Variants in SLC26A7 observed in about 807,000 individuals in gnomAD.
SLC26A7 encodes anion exchange transporter.
A neutral mutation model predicts 82.5 loss-of-function variants in SLC26A7; 59 were observed. The ratio of observed to expected loss-of-function variants is 0.72; its 90% CI spans 0.58 to 0.89. The LOEUF is 0.89. SLC26A7 is among the 40% of genes least tolerant of loss of function. The pLI is 0.00. For synonymous variants in SLC26A7, 271 were observed against 274.3 expected (o/e 0.99, Z 0.12); for missense variants, 820 against 793.0 (o/e 1.03, Z -0.41).
At chr8:91,227,361 C>A (rs1810251961) in intron 2 of SLC26A7, among the ~76,000 whole-genome samples, 1 of 152,164 alleles carries the variant, frequency 6.6e-6, no homozygotes, top group Admixed American at 6.5e-5. Context: ...ACTCAAGTTT[C>A]TTTCACTGTT....
Position 91,340,563 on chromosome 8 carries a change from C to A in SLC26A7, c.1026+12C>A, listed in dbSNP as rs1356242265. 2 of 1,613,478 alleles carry A rather than the reference C, an allele frequency of 1.2e-6. No homozygotes were observed. The highest frequency in any genetic ancestry group is 1.3e-5 in the African/African-American group (1 of 74,832). On this transcript the variant is annotated intron_variant, in intron 8 of 18. Transcript: ENST00000276609. ...TTGATGACAACCAGGTGGAGTGTGCCCCCAGTCCCTCTCCACTCCAGTTGT... is the reference window on the plus strand; with the variant it reads ...TTGATGACAACCAGGTGGAGTGTGCACCCAGTCCCTCTCCACTCCAGTTGT...
At chr8:91,334,960 T>C (rs550161024) in intron 6 of SLC26A7, among the ~76,000 whole-genome samples, 1 of 152,262 alleles carries the variant, frequency 6.6e-6, no homozygotes, top group East Asian at 1.9e-4. Context: ...TCTAAAATAT[T>C]TTTTTGTTGT....
At chr8:91,228,931 G>T (rs888407772) in intron 2 of SLC26A7, among the ~76,000 whole-genome samples, 2 of 152,296 alleles carry the variant, frequency 1.3e-5, no homozygotes, top group East Asian at 1.9e-4. Context: ...CTCACCAAAA[G>T]ATTTTCATTT....
chr8:91,267,040 T>C lies in SLC26A7; in HGVS notation c.193+17196T>C, dbSNP rs1409396351. Among the ~76,000 whole-genome samples the C allele has an allele frequency of 4.6e-5, 7 of 152,106 alleles. 1 individual carries two copies. The South Asian group carries it at 6.2e-4, about 14-fold the overall frequency. On this transcript the variant is annotated intron_variant, in intron 2 of 18. Transcript: ENST00000276609. ...TTCTCTTAATGTGATGTATTATGTC[T>C]ACTGGTTGGTGTATTCTCAACCTTC...
chr8:91,221,254 A>C (rs959874009), intron 2 of SLC26A7, among the ~76,000 whole-genome samples: 3 of 152,154 alleles, frequency 2.0e-5, no homozygotes, highest in African/African-American at 7.2e-5. Context: ...AGTTCCTTGT[A>C]AATTCTGGAT....
chr8:91,212,293 T>C (rs1037508132), intron 1 of SLC26A7, among the ~76,000 whole-genome samples: 4 of 152,138 alleles, frequency 2.6e-5, no homozygotes, highest in African/African-American at 9.6e-5. Flanking sequence ...GCCCAAGATA[T>C]GCATTTAATA....
At chr8:91,394,135 C>T (rs1808494185) in intron 18 of SLC26A7, 96 bp downstream of exon 18, 11 of 1,590,978 alleles carry the variant, frequency 6.9e-6, no homozygotes, top group Admixed American at 5.2e-5. Context: ...ACTCCATTGG[C>T]ATCTAAAATC....
chr8:91,211,537 T>G (rs1399112962), intron 1 of SLC26A7, among the ~76,000 whole-genome samples: 1 of 150,028 alleles, frequency 6.7e-6, no homozygotes, highest in Non-Finnish European at 1.5e-5. Flanking sequence ...ACCACACTGG[T>G]AAGGAATTGC....
At chr8:91,372,171 C>T (rs148508396) in intron 15 of SLC26A7, among the ~76,000 whole-genome samples, 100 of 151,978 alleles carry the variant, frequency 6.6e-4, no homozygotes, top group African/African-American at 2.2e-3. Context: ...TATCTTTTCC[C>T]ATTCTCTAGG....
At chr8:91,268,171 C>G (rs1043213800) in intron 2 of SLC26A7, among the ~76,000 whole-genome samples, 8 of 151,682 alleles carry the variant, frequency 5.3e-5, no homozygotes, top group African/African-American at 1.9e-4. Flanking sequence ...AATATATGGT[C>G]TTTCCTGGAG....
At chr8:91,389,550 C>G in intron 16 of SLC26A7, 112 bp downstream of exon 16, 1 of 769,876 alleles carries the variant, frequency 1.3e-6, no homozygotes, top group Non-Finnish European at 2.2e-6. Context: ...ACTCATCTCA[C>G]CCCATTATTT....
intron 2 of SLC26A7, among the ~76,000 whole-genome samples, chr8:91,234,916 CTTTCTTTCTT>C (rs1485278851): frequency 6.8e-6 from 1 of 147,594 alleles, no homozygotes; most frequent in Non-Finnish European, 1.5e-5. Flanking sequence ...CTGTTTCTTT[CTTTCTTTCTT>C]TTTCTTTTTT....
At chr8:91,315,091 G>C (rs1403598158) in intron 4 of SLC26A7, among the ~76,000 whole-genome samples, 6 of 152,094 alleles carry the variant, frequency 3.9e-5, no homozygotes, top group Admixed American at 2.6e-4. Context: ...TGGAATTTAG[G>C]AAACAAGTGG....
chr8:91,303,370 C>T (rs1052638222), intron 4 of SLC26A7, among the ~76,000 whole-genome samples: 15 of 152,080 alleles, frequency 9.9e-5, no homozygotes, highest in African/African-American at 3.6e-4. Flanking sequence ...GCCCATTCAC[C>T]TCTGGAAATT....
At chr8:91,318,491 T>C in intron 5 of SLC26A7, 111 bp downstream of exon 5, 1 of 908,254 alleles carries the variant, frequency 1.1e-6, no homozygotes, top group Non-Finnish European at 1.6e-6. Context: ...AACTTGGGTT[T>C]AAATAAAATC....
upstream of SLC26A7, among the ~76,000 whole-genome samples, chr8:91,246,808 G>A (rs555011688): frequency 4.6e-5 from 7 of 151,748 alleles, no homozygotes; most frequent in Admixed American, 6.6e-5. Context: ...GTTTTTCCCC[G>A]CAAAGGGAAT....
intron 2 of SLC26A7, among the ~76,000 whole-genome samples, chr8:91,265,446 T>C (rs1811085162): frequency 6.6e-6 from 1 of 152,062 alleles, no homozygotes; most frequent in African/African-American, 2.4e-5. Flanking sequence ...ATTTTTAATT[T>C]TCTGAGGAAG....
intron 8 of SLC26A7, 152 bp downstream of exon 8, chr8:91,340,703 A>T (rs1199529649): frequency 1.1e-6 from 1 of 877,786 alleles, no homozygotes. Flanking sequence ...TATCAAAATC[A>T]TTCATAGGAA....
chr8:91,211,595 AAT>A (rs144378729), intron 1 of SLC26A7, among the ~76,000 whole-genome samples: 1,941 of 140,394 alleles, frequency 0.014, 27 homozygotes, highest in African/African-American at 0.046. Context: ...CAATTATACA[AAT>A]ATATATATAT....
Sources: gnomAD v4.1 joint callset for allele counts (sites outside exome capture counted in the v4.1 genomes callset) on GRCh38, gnomAD v4.1.1 for gene constraint, MANE v1.5 for transcripts, NCBI Gene and HGNC (gene_info 2026-07-23, HGNC 2026-07-21) for gene names.